The following SRCAP variants were observed in gnomAD, a reference collection of about 807,000 sequenced individuals.
SRCAP encodes Snf2 related CREBBP activator protein.
Under a neutral mutation model 263.1 loss-of-function variants are expected in SRCAP, and 46 were observed. The ratio of observed to expected loss-of-function variants is 0.17; its 90% CI spans 0.14 to 0.22. SRCAP has a LOEUF of 0.22. SRCAP is among the 10% of genes least tolerant of loss of function. SRCAP has a pLI of 1.00. For synonymous variants in SRCAP, 1,813 were observed against 1,662.1 expected (o/e 1.09, Z -2.21); for missense variants, 3,695 against 4,181.9 (o/e 0.88, Z 3.21).
Position 30,720,295 on chromosome 16 carries a change from C to T in SRCAP, c.2951C>T (p.Pro984Leu), listed in dbSNP as rs2052998776. The change falls in exon 19 of 34, where the codon CCA (proline) becomes CTA (leucine). Residue 984 changes from proline (P) to leucine (L), a missense_variant. Coordinates refer to ENST00000262518, the MANE Select transcript of SRCAP (RefSeq NM_006662.3). ...LLEVATAPDP[P>L]PRPKPVKMKV... ...GAAGTGGCTACTGCTCCTGACCCCC[C>T]ACCCCGGCCCAAGCCAGTCAAGATG... is the stretch of plus-strand genomic sequence containing the variant. The T allele has an allele frequency of 1.9e-6, 3 of 1,613,972 alleles. No individual in the cohort carries two copies. The highest frequency in any genetic ancestry group is 2.2e-5 in the South Asian group (2 of 91,080).
At chr16:30,720,640 TC>T in intron 19 of SRCAP, 72 bp from the exon 20 acceptor site, 14 of 1,456,030 alleles carry the variant, frequency 9.6e-6, no homozygotes, top group Non-Finnish European at 1.3e-5. Flanking sequence ...TGTTTCATTT[TC>T]TTCTTTTCTT....
At position 30,736,953 on chromosome 16, in the gene SRCAP, C is replaced by T. The variant is rs1440870084; in HGVS notation, c.7009-96C>T. ...CTTCCCCAAGTGCTGGAATTACAGG[C>T]GTGAGCCACCGCGCCTGACCTGGAA... is the stretch of plus-strand genomic sequence containing the variant. On this transcript the variant is annotated intron_variant, in intron 33 of 33. Transcript: ENST00000262518. 2.1e-5 allele frequency: 29 copies of T among 1,354,412 alleles called. No homozygotes were observed. In the Admixed American group the frequency reaches 4.1e-4, roughly 19 times the overall value. 83.9% of individuals were successfully genotyped at this position (1,354,412 alleles called of 1,614,324 possible). A position where few individuals can be genotyped will look rare whatever the true frequency, so the allele number is the denominator to read the frequency against.
chr16:30,720,454 C>A, intron 19 of SRCAP, 123 bp downstream of exon 19: 2 of 1,216,614 alleles, frequency 1.6e-6, no homozygotes, highest in Non-Finnish European at 2.3e-6. Flanking sequence ...GGGATGGGTG[C>A]AAACGTGGAG....
intron 18 of SRCAP, among the ~76,000 whole-genome samples, chr16:30,719,664 C>T (rs1455387730): frequency 6.6e-6 from 1 of 152,254 alleles, no homozygotes; most frequent in East Asian, 1.9e-4. Flanking sequence ...CAGGTACATG[C>T]TAACATGCCT....
intron 21 of SRCAP, 86 bp from the exon 22 acceptor site, chr16:30,722,035 TC>T: frequency 6.6e-7 from 1 of 1,504,150 alleles, no homozygotes; most frequent in South Asian, 1.3e-5. Flanking sequence ...AACTGGACAC[TC>T]GGGGGAGAGG....
chr16:30,736,168 A>G, intron 31 of SRCAP, 32 bp from the exon 32 acceptor site: 1 of 1,611,784 alleles, frequency 6.2e-7, no homozygotes, highest in South Asian at 1.1e-5. Flanking sequence ...TTGAAGTCTC[A>G]TGTTTTCTTT....
Position 30,724,803 on chromosome 16 carries a change from C to T in SRCAP, c.5379C>T (p.Ala1793=), listed in dbSNP as rs763612615. 1.9e-6 allele frequency: 3 copies of T among 1,613,534 alleles called. No individual in the cohort carries two copies. The highest frequency in any genetic ancestry group is 1.7e-5 in the Admixed American group (1 of 59,912). ...TGCAGACACTGACCTTGAGCCCTGC[C>T]CCAGTTCCTACCCTGGGCCCGGCCG... The part of the protein sequence containing the change: ...ASVQTLTLSP[A]PVPTLGPAAA... The change falls in exon 25 of 34, where the codon GCC becomes GCT. Residue 1793 remains alanine (A), a synonymous_variant. Coordinates refer to ENST00000262518, the MANE Select transcript of SRCAP (RefSeq NM_006662.3).
At position 30,711,916 on chromosome 16, in the gene SRCAP, A is replaced by G. The variant is rs1318707475; in HGVS notation, c.1574A>G (p.Glu525Gly). The part of the protein sequence containing the change: ...EETSGSSASE[E>G]SESEESEDAQ... ...ACAAGTGGAAGTTCAGCATCAGAGG[A>G]ATCTGAGTCTGAAGAGTCTGAGGAT... The change falls in exon 12 of 34, where the codon GAA becomes GGA. Residue 525 changes from glutamate (E) to glycine (G), a missense_variant. Glu to Gly is a moderately conservative substitution (Grantham distance 98). Around this residue, in one of 12 missense-constraint regions of SRCAP, gnomAD observed 288 missense variants for 302.4 expected, o/e 0.95. Transcript: ENST00000262518. 5 of 1,613,802 alleles carry G rather than the reference A, an allele frequency of 3.1e-6. No homozygotes were observed. Among genetic ancestry groups the G allele is most frequent in the Non-Finnish European group, 4.2e-6 (5 of 1,180,014 alleles).
intron 18 of SRCAP, among the ~76,000 whole-genome samples, chr16:30,719,955 G>A (rs565420894): frequency 1.8e-4 from 27 of 152,228 alleles, no homozygotes; most frequent in Admixed American, 4.6e-4. Flanking sequence ...CCCCTTGCCC[G>A]CCACAGTCGT....
chr16:30,724,709 C>T lies in SRCAP; in HGVS notation c.5285C>T (p.Pro1762Leu), dbSNP rs755651719. Residue 1762 changes from proline to leucine, a missense_variant, in exon 25 of 34, where the codon CCA becomes CTA. Pro to Leu is a moderately conservative substitution (Grantham distance 98). Transcript: ENST00000262518. ...CTGGCTCCAGCTTCTCCAGTGGGCCCAGCCCCAGCTCACACGCTGACTTTG... is the reference window on the plus strand; with the variant it reads ...CTGGCTCCAGCTTCTCCAGTGGGCCTAGCCCCAGCTCACACGCTGACTTTG... ...PPLAPASPVG[P>L]APAHTLTLAP... 1.9e-6 allele frequency: 3 copies of T among 1,614,124 alleles called. No individual in the cohort carries two copies. The highest frequency in any genetic ancestry group is 1.1e-5 in the South Asian group (1 of 91,082).
rs1468074807 is a variant in SRCAP at position 30,733,593 on chromosome 16, TCCTTC to T, written c.6298-8_6298-4del. The T allele has an allele frequency of 1.2e-6, 2 of 1,607,660 alleles. No individual in the cohort carries two copies. The highest frequency in any genetic ancestry group is 1.7e-6 in the Non-Finnish European group (2 of 1,175,498). The stretch of plus-strand genomic sequence containing the variant: ...TCCCAGTATCATCTTTTTTTCCCTT[TCCTTC>T]TAGGCCTTGATGGAACGGTTCAATG... On this transcript the variant is annotated splice_region_variant and splice_polypyrimidine_tract_variant and intron_variant, in intron 28 of 33. Transcript: ENST00000262518. The surrounding 1 kb of genome is among the most constrained non-coding windows in gnomAD (Gnocchi z 5.3).
At chr16:30,725,806 T>C (rs1458385715) in intron 25 of SRCAP, 1 of 152,114 alleles carries the variant, frequency 6.6e-6, no homozygotes, top group African/African-American at 2.4e-5. Flanking sequence ...TTTTTTTAAA[T>C]ACAGATGGGG....
chr16:30,737,256 A>G lies in SRCAP; in HGVS notation c.7216A>G (p.Thr2406Ala). 2 of 1,613,610 alleles carry G rather than the reference A, an allele frequency of 1.2e-6. No individual in the cohort carries two copies. Among genetic ancestry groups the G allele is most frequent in the Non-Finnish European group, 1.7e-6 (2 of 1,179,918 alleles). The change falls in exon 34 of 34, where the codon ACT (threonine) becomes GCT (alanine). Residue 2406 changes from threonine to alanine, a missense_variant. Around this residue, in one of 12 missense-constraint regions of SRCAP, gnomAD observed 1,207 missense variants for 1,142.9 expected, o/e 1.06. Coordinates refer to ENST00000262518, the MANE Select transcript of SRCAP (RefSeq NM_006662.3). Reference protein sequence around the residue: ...SERLRGARAETQGANHTPVIS... With the variant: ...SERLRGARAEAQGANHTPVIS... ...GCGTCTTCGTGGAGCCCGGGCTGAG[A>G]CTCAAGGGGCAAACCACACTCCTGT... is the stretch of plus-strand genomic sequence containing the variant.
Position 30,739,670 on chromosome 16 carries a change from C to G in SRCAP, c.9630C>G (p.Ser3210Arg). The G allele has an allele frequency of 6.4e-7, 1 of 1,567,076 alleles. No individual in the cohort carries two copies. ...TNQGDQRILR[S>R]SAPPSLAGPA... ...AAGGGGACCAGCGCATCCTGCGCAG[C>G]AGCGCCCCTCCCTCCCTGGCTGGCC... The change falls in exon 34 of 34, where the codon AGC becomes AGG. Residue 3210 changes from serine to arginine, a missense_variant. Around this residue, in one of 12 missense-constraint regions of SRCAP, gnomAD observed 1,207 missense variants for 1,142.9 expected, o/e 1.06. Coordinates refer to ENST00000262518, the MANE Select transcript of SRCAP (RefSeq NM_006662.3).
intron 8 of SRCAP, chr16:30,710,395 G>A (rs983402552): frequency 7.0e-5 from 44 of 627,546 alleles, no homozygotes; most frequent in Non-Finnish European, 1.1e-4. Context: ...TCCTCTGACC[G>A]TTACTTGCCA....
At chr16:30,705,403 T>G (rs1208055886) in intron 4 of SRCAP, among the ~76,000 whole-genome samples, 2 of 152,150 alleles carry the variant, frequency 1.3e-5, no homozygotes, top group South Asian at 2.1e-4. Flanking sequence ...TTTATTTTAT[T>G]TATTTATTTT....
At position 30,741,361 on chromosome 16, in the gene SRCAP, G is replaced by C. The variant is rs756182412; in HGVS notation, c.*1628G>C. 16 of 163,992 alleles carry C rather than the reference G, an allele frequency of 9.8e-5. No homozygotes were observed. The highest frequency in any genetic ancestry group is 2.1e-4 in the Non-Finnish European group (16 of 75,960). The allele number at this position is 163,992 out of a possible 1,614,324, so 10.2% of individuals were successfully genotyped here. A position where few individuals can be genotyped will look rare whatever the true frequency, so the allele number is the denominator to read the frequency against. On this transcript the variant is annotated 3_prime_UTR_variant, in exon 34 of 34. Transcript: ENST00000262518. Reference sequence around the variant, plus strand: ...GGGGCAGCCTCTTGGGAATTTGGGGGAATTGTAGAGTCCTTTGAAATACAG... The same window carrying C: ...GGGGCAGCCTCTTGGGAATTTGGGGCAATTGTAGAGTCCTTTGAAATACAG...
In SRCAP at chr16:30,738,491, G is replaced by C. The variant is rs541036742; in HGVS notation, c.8451G>C (p.Leu2817=). The C allele has an allele frequency of 4.4e-6, 7 of 1,604,286 alleles. No homozygotes were observed. In the East Asian group the frequency reaches 1.1e-4, roughly 26 times the overall value. ...GTGAAGCTGCTCCTTCATCCTCACT[G>C]CCCACTCCACCCCAGCAGCCCTTCA... ...GPCEAAPSSS[L]PTPPQQPFIA... Residue 2817 remains leucine, a synonymous_variant, in exon 34 of 34, where the codon CTG becomes CTC. Transcript: ENST00000262518.
rs1567254142 is a variant in SRCAP, at chr16:30,738,199, C to T, written c.8159C>T (p.Pro2720Leu). 6.2e-7 allele frequency: 1 copy of T among 1,614,100 alleles called. No individual in the cohort carries two copies. The highest frequency in any genetic ancestry group is 1.3e-5 in the African/African-American group (1 of 74,946). Residue 2720 changes from proline (P) to leucine (L), a missense_variant, in exon 34 of 34, where the codon CCT (proline) becomes CTT (leucine). Coordinates refer to ENST00000262518, the MANE Select transcript of SRCAP (RefSeq NM_006662.3). ...SPEGPSPARP[P>L]RRRTSADVEI... is the part of the protein sequence containing the mutation. ...GAGGGTCCTTCACCTGCCCGACCTC[C>T]TCGGCGTCGCACCAGTGCTGATGTG...
Sources: allele counts gnomAD v4.1 joint callset (sites outside exome capture counted in the v4.1 genomes callset), GRCh38; gene constraint gnomAD v4.1.1; regional missense constraint gnomAD v4.1.1; non-coding constraint Gnocchi (gnomAD v3.1); transcripts MANE v1.5; gene names NCBI Gene and HGNC (gene_info 2026-07-23, HGNC 2026-07-21).